The following SRGAP3 variants were observed in gnomAD, a reference collection of about 807,000 sequenced individuals.
SRGAP3 encodes SLIT-ROBO Rho GTPase-activating protein 3.
Under a neutral mutation model 121.1 loss-of-function variants are expected in SRGAP3, and 39 were observed. That is an observed-to-expected ratio of 0.32 (90% CI 0.25 to 0.42). SRGAP3 has a LOEUF of 0.42. SRGAP3 is among the 10% of genes least tolerant of loss of function. The probability of loss-of-function intolerance (pLI) is 1.00; values close to 1 mark genes in which losing one functional copy is unlikely to be tolerated. For missense variants in SRGAP3, 1,213 were observed against 1,470.6 expected, an observed-to-expected ratio of 0.82 and a Z score of 2.86; for synonymous variants, 601 against 570.0, an observed-to-expected ratio of 1.05 and a Z score of -0.77.
At chr3:9,197,000 G>A (rs960344314) in intron 1 of SRGAP3, among the ~76,000 whole-genome samples, 2 of 152,078 alleles carry the variant, frequency 1.3e-5, no homozygotes, top group Non-Finnish European at 2.9e-5. Flanking sequence ...CAAAGTTTTC[G>A]TCCTCCCCAT....
intron 5 of SRGAP3, among the ~76,000 whole-genome samples, chr3:9,061,991 C>T (rs986511126): frequency 1.1e-4 from 17 of 152,142 alleles, no homozygotes; most frequent in African/African-American, 4.1e-4. Flanking sequence ...CTTCCTATTC[C>T]ACAGTGAGTT....
chr3:9,353,435 C>G (rs926409402), intron 1 of SRGAP3, among the ~76,000 whole-genome samples: 2 of 152,216 alleles, frequency 1.3e-5, no homozygotes, highest in Non-Finnish European at 2.9e-5. Flanking sequence ...CCTTTCCAAA[C>G]GAATGAGCTG....
Position 8,984,470 on chromosome 3 carries a change from A to C in SRGAP3, c.*1049T>G, listed in dbSNP as rs1015398115. ...AATTAAATAGTTTGAAAATGATATA[A>C]GTTAAACCTCTATAGTTACCACAGA... is the stretch of plus-strand genomic sequence containing the variant. On this transcript the variant is annotated 3_prime_UTR_variant, in exon 22 of 22. Coordinates refer to ENST00000383836, the MANE Select transcript of SRGAP3 (RefSeq NM_014850.4). 1.3e-5 allele frequency: 3 copies of C among 232,326 alleles called. No individual in the cohort carries two copies. Among genetic ancestry groups the C allele is most frequent in the Non-Finnish European group, 1.7e-5 (2 of 117,548 alleles). 14.4% of individuals were successfully genotyped at this position (232,326 alleles called of 1,614,324 possible). A position where few individuals can be genotyped will look rare whatever the true frequency, so the allele number is the denominator to read the frequency against.
chr3:9,257,636 C>T (rs1954159327), intron 3 of SRGAP3: 1 of 148,442 alleles, frequency 6.7e-6, no homozygotes, highest in African/African-American at 2.5e-5. Flanking sequence ...AGTGGTCTAC[C>T]AAATGCTATA....
chr3:9,324,674 G>A (rs1955488075), intron 3 of SRGAP3, among the ~76,000 whole-genome samples: 1 of 151,468 alleles, frequency 6.6e-6, no homozygotes, highest in Non-Finnish European at 1.5e-5. Flanking sequence ...TCCCCCTTTT[G>A]GGCTGGGTGC....
intron 1 of SRGAP3, among the ~76,000 whole-genome samples, chr3:9,222,251 G>A (rs1952838621): frequency 6.6e-6 from 1 of 152,256 alleles, no homozygotes; most frequent in Admixed American, 6.5e-5. Flanking sequence ...CTGTCATGTA[G>A]TTGAAGTACC....
At chr3:9,018,992 C>G (rs1407593260) in intron 14 of SRGAP3, among the ~76,000 whole-genome samples, 2 of 152,176 alleles carry the variant, frequency 1.3e-5, no homozygotes, top group Non-Finnish European at 2.9e-5. Flanking sequence ...CTTCACTTAA[C>G]AAGAAATCCT....
chr3:9,052,934 T>G, intron 9 of SRGAP3, 93 bp downstream of exon 9: 1 of 1,463,088 alleles, frequency 6.8e-7, no homozygotes, highest in Non-Finnish European at 9.5e-7. Flanking sequence ...ACCCATGTGG[T>G]TTCTCTGGTT....
intron 1 of SRGAP3, among the ~76,000 whole-genome samples, chr3:9,199,050 T>A (rs1249888263): frequency 6.6e-6 from 1 of 152,030 alleles, no homozygotes; most frequent in Non-Finnish European, 1.5e-5. Flanking sequence ...CCTGTCCCCA[T>A]CCAATATCTG....
At chr3:9,341,059 A>T (rs2600176) in intron 1 of SRGAP3, among the ~76,000 whole-genome samples, 15,882 of 152,204 alleles carry the variant, frequency 0.1, 1,427 homozygotes, top group African/African-American at 0.24. Context: ...ATTGAGACAG[A>T]AAGAGAGAAT....
intron 3 of SRGAP3, among the ~76,000 whole-genome samples, chr3:9,311,452 G>T (rs79331974): frequency 0.078 from 11,894 of 152,226 alleles, 604 homozygotes; most frequent in Middle Eastern, 0.16. Context: ...TCTGCAAAGA[G>T]CCAGCTAGTA....
chr3:9,161,552 T>C (rs1358943718), intron 1 of SRGAP3, among the ~76,000 whole-genome samples: 1 of 152,250 alleles, frequency 6.6e-6, no homozygotes, highest in Non-Finnish European at 1.5e-5. Flanking sequence ...ATCTCCACAT[T>C]GGACTGGCTC....
chr3:9,245,652 G>A (rs756567280), intron 1 of SRGAP3, among the ~76,000 whole-genome samples: 5 of 152,160 alleles, frequency 3.3e-5, no homozygotes, highest in East Asian at 3.8e-4. Context: ...GGTCAGGCAC[G>A]GTGGCTCACA....
chr3:9,028,174 A>G (rs1944306220), intron 12 of SRGAP3: 1 of 1,613,156 alleles, frequency 6.2e-7, no homozygotes, highest in South Asian at 1.1e-5. Flanking sequence ...GAGAAAAAGA[A>G]AAGATTATGC....
chr3:9,222,447 A>G (rs1238049314), intron 1 of SRGAP3, among the ~76,000 whole-genome samples: 1 of 152,222 alleles, frequency 6.6e-6, no homozygotes, highest in Non-Finnish European at 1.5e-5. Flanking sequence ...CTGCATCTTT[A>G]TAATAAAATC....
chr3:8,988,520 C>G (rs569330358), intron 21 of SRGAP3, among the ~76,000 whole-genome samples: 1 of 152,274 alleles, frequency 6.6e-6, no homozygotes, highest in East Asian at 1.9e-4. Flanking sequence ...GGGTGCAGAT[C>G]CATCTGCAAA....
intron 1 of SRGAP3, among the ~76,000 whole-genome samples, chr3:9,154,991 GTTTT>G (rs1432127247): frequency 6.9e-6 from 1 of 145,716 alleles, no homozygotes; most frequent in Non-Finnish European, 1.5e-5. Flanking sequence ...TTTGTTTTAT[GTTTT>G]TTGTTTTTTG....
At chr3:9,249,759 T>A (rs899992627), upstream of SRGAP3, 2 of 216,314 alleles carry the variant, frequency 9.2e-6, no homozygotes, top group Non-Finnish European at 1.9e-5. Flanking sequence ...CAGAACTCAC[T>A]GCAAGCAAAA....
intron 1 of SRGAP3, among the ~76,000 whole-genome samples, chr3:9,197,608 G>A (rs866189580): frequency 6.6e-6 from 1 of 152,172 alleles, no homozygotes; most frequent in East Asian, 1.9e-4. Flanking sequence ...AACAGATTGG[G>A]TGACAGACTC....
Sources: gnomAD v4.1 joint callset for allele counts (sites outside exome capture counted in the v4.1 genomes callset) on GRCh38, gnomAD v4.1.1 for gene constraint, MANE v1.5 for transcripts, NCBI Gene and HGNC (gene_info 2026-07-23, HGNC 2026-07-21) for gene names.